ATR: variants seen among roughly 807,000 people sequenced by gnomAD.
The protein encoded by ATR is ATR checkpoint kinase.
In ATR, 142 loss-of-function variants were observed where a neutral mutation model predicts 305.3. The ratio of observed to expected loss-of-function variants is 0.47; its 90% CI spans 0.41 to 0.53. The LOEUF is 0.53. Ranked by LOEUF, ATR falls within the 20% of genes least tolerant of loss-of-function variation. ATR has a pLI of 0.00. For synonymous variants in ATR, 1,050 were observed against 1,068.1 expected (o/e 0.98, Z 0.33); for missense variants, 2,135 against 3,133.1 (o/e 0.68, Z 7.60).
intron 35 of ATR, among the ~76,000 whole-genome samples, chr3:142,486,211 G>A (rs2030915921): frequency 6.6e-6 from 1 of 152,070 alleles, no homozygotes; most frequent in Admixed American, 6.6e-5. Context: ...ATCTAAAGAA[G>A]TTTGAGAACA....
At chr3:142,528,877 ATATTTT>A (rs1255653464) in intron 21 of ATR, among the ~76,000 whole-genome samples, 6 of 47,698 alleles carry the variant, frequency 1.3e-4, no homozygotes, top group African/African-American at 7.0e-4. Flanking sequence ...ATATATATAT[ATATTTT>A]TTTTTTTTTT....
chr3:142,550,861 C>T (rs1455561298), intron 13 of ATR, among the ~76,000 whole-genome samples: 1 of 152,004 alleles, frequency 6.6e-6, no homozygotes, highest in African/African-American at 2.4e-5. Context: ...GATCTTGGCT[C>T]ACTGCAACCG....
Position 142,519,691 on chromosome 3 carries a change from G to A in ATR, c.4360C>T (p.Leu1454=), listed in dbSNP as rs1239590025. 6.2e-7 allele frequency: 1 copy of A among 1,613,078 alleles called. No individual in the cohort carries two copies. The highest frequency in any genetic ancestry group is 1.7e-5 in the Admixed American group (1 of 60,010). ...RRFPEHVREI[L]EPHLNTRYKS... The stretch of plus-strand genomic sequence containing the variant: ...TACCTGGTATTTAGATGAGGTTCTA[G>A]TATTTCCCGAACATGCTCAGGAAAT... The change falls in exon 24 of 47, where the codon CTA becomes TTA. Residue 1454 remains leucine (L), a synonymous_variant. Coordinates refer to ENST00000350721, the MANE Select transcript of ATR (RefSeq NM_001184.4).
chr3:142,549,982 G>T, intron 14 of ATR, 150 bp downstream of exon 14: 1 of 1,062,098 alleles, frequency 9.4e-7, no homozygotes, highest in Non-Finnish European at 1.4e-6. Context: ...AACTTTTCAG[G>T]ACAGCTAACC....
intron 1 of ATR, among the ~76,000 whole-genome samples, chr3:142,576,903 C>CT (rs36043310): frequency 2.9e-4 from 43 of 150,444 alleles, no homozygotes; most frequent in Non-Finnish European, 5.6e-4. Flanking sequence ...ACACTAATAT[C>CT]TTTTTTTTTC....
chr3:142,462,600 G>C (rs7646257), intron 41 of ATR, among the ~76,000 whole-genome samples: 17,721 of 151,578 alleles, frequency 0.12, 2,835 homozygotes, highest in African/African-American at 0.36. Flanking sequence ...TCCCGAGTAG[G>C]TGGGACTATA....
rs146904971 is a variant in ATR, at chr3:142,490,586, G to A, written c.6078+2546C>T. 1.8e-3 allele frequency among the ~76,000 whole-genome samples: 268 copies of A among 152,128 alleles called. 4 individuals carry two copies. Among genetic ancestry groups the A allele is most frequent in the African/African-American group, 6.2e-3 (257 of 41,500 alleles). The stretch of plus-strand genomic sequence containing the variant: ...CTAAGAAAACCTTTGCCTACCCTAA[G>A]GTTGTAAAGATTTTCTTCTATTTTT... On this transcript the variant is annotated intron_variant, in intron 35 of 46. Transcript: ENST00000350721.
intron 21 of ATR, among the ~76,000 whole-genome samples, chr3:142,534,600 C>G (rs1353728242): frequency 6.6e-6 from 1 of 152,046 alleles, no homozygotes; most frequent in East Asian, 1.9e-4. Context: ...TCACTATCAT[C>G]AAGTTTAGGG....
chr3:142,499,882 G>T (rs1051528733), intron 30 of ATR, 164 bp from the exon 31 acceptor site: 4 of 592,518 alleles, frequency 6.8e-6, no homozygotes, highest in East Asian at 3.1e-5. Flanking sequence ...AAACTATCCA[G>T]AAAATTTTAA....
At chr3:142,513,745 T>C in intron 25 of ATR, 107 bp from the exon 26 acceptor site, 1 of 1,201,774 alleles carries the variant, frequency 8.3e-7, no homozygotes, top group Non-Finnish European at 1.1e-6. Context: ...ATTTTTAAAT[T>C]TAAAAAGTTT....
chr3:142,568,554 CT>C (rs2035152023), intron 1 of ATR, among the ~76,000 whole-genome samples: 1 of 152,190 alleles, frequency 6.6e-6, no homozygotes, highest in South Asian at 2.1e-4. Context: ...GCCCCGCCCC[CT>C]TCTGAGGTGC....
intron 36 of ATR, among the ~76,000 whole-genome samples, chr3:142,478,686 G>T (rs1422177641): frequency 6.6e-6 from 1 of 152,132 alleles, no homozygotes; most frequent in African/African-American, 2.4e-5. Context: ...TGTTGACAGT[G>T]GGGTGTTAAA....
At chr3:142,451,528 C>T (rs1041261282) in intron 46 of ATR, 61 of 1,398,834 alleles carry the variant, frequency 4.4e-5, no homozygotes, top group Non-Finnish European at 5.0e-5. Context: ...AAGAGAACAC[C>T]AACACCTATA....
intron 8 of ATR, among the ~76,000 whole-genome samples, chr3:142,557,778 G>A (rs1254641173): frequency 3.3e-5 from 5 of 152,222 alleles, no homozygotes; most frequent in South Asian, 4.1e-4. Flanking sequence ...GACTACAGGC[G>A]TGAGCCACCA....
intron 35 of ATR, 125 bp from the exon 36 acceptor site, chr3:142,485,407 C>T: frequency 8.7e-7 from 1 of 1,155,462 alleles, no homozygotes; most frequent in Non-Finnish European, 1.2e-6. Context: ...AAGTCAAAAG[C>T]AGACTCAATC....
rs1292827242 is a variant in ATR at position 142,508,099 on chromosome 3, C to T, written c.4863G>A (p.Val1621=). The change falls in exon 28 of 47, where the codon GTG becomes GTA. Residue 1621 remains valine, a synonymous_variant. Coordinates refer to ENST00000350721, the MANE Select transcript of ATR (RefSeq NM_001184.4). ...RNKVDSMVST[V]DYEDYQSVTR... is the part of the protein sequence containing the mutation. Reference sequence around the variant, plus strand: ...TTACACTCTGATAGTCTTCATAATCCACAGTAGATACTAGATCATAAAAAA... The same window carrying T: ...TTACACTCTGATAGTCTTCATAATCTACAGTAGATACTAGATCATAAAAAA... The T allele has an allele frequency of 6.2e-7, 1 of 1,610,962 alleles. No homozygotes were observed. Among genetic ancestry groups the T allele is most frequent in the Non-Finnish European group, 8.5e-7 (1 of 1,178,778 alleles).
intron 27 of ATR, among the ~76,000 whole-genome samples, chr3:142,510,631 A>G (rs1286031694): frequency 6.6e-6 from 1 of 152,238 alleles, no homozygotes; most frequent in African/African-American, 2.4e-5. Context: ...TATCTGCTTC[A>G]ACAGAACAAG....
chr3:142,465,313 G>T, intron 40 of ATR, 73 bp from the exon 41 acceptor site: 6 of 1,144,724 alleles, frequency 5.2e-6, no homozygotes, highest in South Asian at 3.3e-5. Context: ...TATAAACCTT[G>T]AGTTATGTAA....
At chr3:142,543,013 A>T (rs1385639794) in intron 16 of ATR, among the ~76,000 whole-genome samples, 1 of 152,204 alleles carries the variant, frequency 6.6e-6, no homozygotes, top group African/African-American at 2.4e-5. Context: ...CAATGAGAAA[A>T]TGATGAGTTT....
Sources: gnomAD v4.1 joint callset for allele counts (sites outside exome capture counted in the v4.1 genomes callset) on GRCh38, gnomAD v4.1.1 for gene constraint, MANE v1.5 for transcripts, NCBI Gene and HGNC (gene_info 2026-07-23, HGNC 2026-07-21) for gene names.